The following KALRN variants were observed in gnomAD, a reference collection of about 807,000 sequenced individuals.
KALRN encodes the protein kalirin.
In KALRN, 70 loss-of-function variants were observed where a neutral mutation model predicts 353.7. That is an observed-to-expected ratio of 0.20 (90% CI 0.16 to 0.24). The LOEUF (loss-of-function observed/expected upper bound fraction) is 0.24, where lower values mean the gene tolerates loss of function less well. Among genes scored for constraint, KALRN ranks in the 10% least tolerant of loss-of-function variants. KALRN has a pLI of 1.00. For missense variants in KALRN, 2,791 were observed against 3,756.7 expected (o/e 0.74, Z 6.72); for synonymous variants, 1,391 against 1,434.8 (o/e 0.97, Z 0.69).
At chr3:124,105,555 C>G (rs924223894) in intron 1 of KALRN, among the ~76,000 whole-genome samples, 2 of 151,970 alleles carry the variant, frequency 1.3e-5, no homozygotes, top group Non-Finnish European at 2.9e-5. Context: ...GGAGGAGAGC[C>G]AGGACATAAT....
intron 1 of KALRN, among the ~76,000 whole-genome samples, chr3:124,181,293 G>A (rs2073566804): frequency 1.3e-5 from 2 of 151,878 alleles, no homozygotes; most frequent in African/African-American, 4.8e-5. Flanking sequence ...AACATTCCCA[G>A]GCTAGACCCA....
chr3:124,431,807 A>T (rs1331382600), intron 16 of KALRN, among the ~76,000 whole-genome samples: 1 of 152,232 alleles, frequency 6.6e-6, no homozygotes, highest in Non-Finnish European at 1.5e-5. Context: ...GACATTTTTA[A>T]GCTAGTGTTG....
At chr3:124,035,169 T>G (rs1336337335) in intron 1 of KALRN, among the ~76,000 whole-genome samples, 3 of 152,124 alleles carry the variant, frequency 2.0e-5, no homozygotes, top group Non-Finnish European at 2.9e-5. Flanking sequence ...TTCCTTTTCT[T>G]TCTTCCTCCT....
intron 25 of KALRN, among the ~76,000 whole-genome samples, chr3:124,471,706 C>T (rs2060916391): frequency 6.6e-6 from 1 of 151,992 alleles, no homozygotes; most frequent in Non-Finnish European, 1.5e-5. Flanking sequence ...TTAAAACCTT[C>T]ATTTTCCAGC....
At chr3:124,475,213 C>G (rs1186753718) in intron 26 of KALRN, among the ~76,000 whole-genome samples, 1 of 152,104 alleles carries the variant, frequency 6.6e-6, no homozygotes, top group Non-Finnish European at 1.5e-5. Context: ...AAGCATGTAT[C>G]CTTTGAGTTC....
intron 33 of KALRN, among the ~76,000 whole-genome samples, chr3:124,521,658 T>C (rs529179528): frequency 6.6e-6 from 1 of 152,230 alleles, no homozygotes; most frequent in African/African-American, 2.4e-5. Flanking sequence ...GAAATGATAA[T>C]TAAAGAGTAT....
chr3:124,247,665 C>CT (rs1165845116), intron 3 of KALRN, among the ~76,000 whole-genome samples: 1 of 152,152 alleles, frequency 6.6e-6, no homozygotes, highest in African/African-American at 2.4e-5. Context: ...TCCCCCTGAC[C>CT]TTTTTCATCA....
rs1408634891 is a variant in KALRN at position 124,329,918 on chromosome 3, G to C, written c.1342G>C (p.Glu448Gln). The C allele has an allele frequency of 6.2e-7, 1 of 1,613,854 alleles. No individual in the cohort carries two copies. The highest frequency in any genetic ancestry group is 1.7e-5 in the Admixed American group (1 of 60,002). The change falls in exon 8 of 60, where the codon GAG becomes CAG. Residue 448 changes from glutamate to glutamine, a missense_variant. Around this residue, in one of 11 missense-constraint regions of KALRN, gnomAD observed 366 missense variants for 489.2 expected, o/e 0.75. Transcript: ENST00000682506. ...KMCSEGGLPS[E>Q]MQDLELAIHH... The stretch of plus-strand genomic sequence containing the variant: ...GTGCAGTGAAGGTGGTCTGCCATCC[G>C]AGATGCAAGACCTAGAGCTGGCAAT...
chr3:124,368,419 A>C (rs2085313546), intron 10 of KALRN, among the ~76,000 whole-genome samples: 1 of 142,982 alleles, frequency 7.0e-6, no homozygotes, highest in Non-Finnish European at 1.5e-5. Context: ...CTCACATCCC[A>C]GATGGGGCGG....
intron 33 of KALRN, among the ~76,000 whole-genome samples, chr3:124,547,215 G>A (rs1444416243): frequency 3.3e-5 from 5 of 151,902 alleles, no homozygotes; most frequent in Non-Finnish European, 7.4e-5. Context: ...GCCCAGGCTG[G>A]CCTCGAACTT....
intron 33 of KALRN, among the ~76,000 whole-genome samples, chr3:124,525,519 TA>T (rs2067514499): frequency 6.6e-6 from 1 of 152,152 alleles, no homozygotes; most frequent in African/African-American, 2.4e-5. Context: ...GTTTAGATTT[TA>T]TTGGTATGGC....
At chr3:124,250,162 G>A (rs1192708505) in intron 3 of KALRN, among the ~76,000 whole-genome samples, 1 of 152,196 alleles carries the variant, frequency 6.6e-6, no homozygotes, top group Non-Finnish European at 1.5e-5. Flanking sequence ...TTTCAAGAAT[G>A]TGACTGCTAC....
intron 48 of KALRN, among the ~76,000 whole-genome samples, 164 bp from the exon 49 acceptor site, chr3:124,674,200 G>A (rs547819084): frequency 6.6e-6 from 1 of 152,258 alleles, no homozygotes; most frequent in South Asian, 2.1e-4. Flanking sequence ...TATACTTTCA[G>A]AGCATGTTTA....
At chr3:124,554,440 T>C (rs892022039) in intron 33 of KALRN, among the ~76,000 whole-genome samples, 1 of 152,196 alleles carries the variant, frequency 6.6e-6, no homozygotes, top group African/African-American at 2.4e-5. Flanking sequence ...TCCTTGACAT[T>C]ATCTTGCAAC....
At chr3:124,160,066 A>G (rs80238255) in intron 1 of KALRN, among the ~76,000 whole-genome samples, 1 of 151,778 alleles carries the variant, frequency 6.6e-6, no homozygotes, top group Non-Finnish European at 1.5e-5. Flanking sequence ...TTGAAAGTTC[A>G]TATCTATCTG....
intron 1 of KALRN, among the ~76,000 whole-genome samples, chr3:124,126,182 G>A (rs1015544989): frequency 2.0e-5 from 3 of 151,444 alleles, no homozygotes; most frequent in Admixed American, 6.6e-5. Flanking sequence ...TCAACTTAAT[G>A]ATTCTGTTTT....
intron 15 of KALRN, among the ~76,000 whole-genome samples, chr3:124,425,145 T>C (rs1192086504): frequency 1.3e-5 from 2 of 151,928 alleles, no homozygotes; most frequent in African/African-American, 2.4e-5. Context: ...GAGGGGAGGA[T>C]AAAGAGAGGT....
At chr3:124,550,171 T>C (rs1561270556) in intron 33 of KALRN, among the ~76,000 whole-genome samples, 1 of 152,144 alleles carries the variant, frequency 6.6e-6, no homozygotes, top group Non-Finnish European at 1.5e-5. Context: ...GACTAAGTGA[T>C]AGATCAGACA....
At chr3:124,664,375 G>A (rs1219960634) in intron 45 of KALRN, among the ~76,000 whole-genome samples, 5 of 145,386 alleles carry the variant, frequency 3.4e-5, no homozygotes, top group East Asian at 2.0e-4. Context: ...GTGTGTGCGC[G>A]CGCGCGCATA....
Sources: allele counts gnomAD v4.1 joint callset (sites outside exome capture counted in the v4.1 genomes callset), GRCh38; gene constraint gnomAD v4.1.1; regional missense constraint gnomAD v4.1.1; transcripts MANE v1.5; gene names NCBI Gene and HGNC (gene_info 2026-07-23, HGNC 2026-07-21).